Variants in TWSG1 observed in about 807,000 individuals in gnomAD.
The protein encoded by TWSG1 is twisted gastrulation BMP signaling modulator 1, also known as twisted gastrulation protein homolog 1.
A neutral mutation model predicts 23.0 loss-of-function variants in TWSG1; 15 were observed. The observed-to-expected ratio is 0.65, with a 90% confidence interval of 0.44 to 1.00. The LOEUF is 1.00. Ranked by LOEUF, TWSG1 falls within the 50% of genes least tolerant of loss-of-function variation. The pLI, the probability that TWSG1 is intolerant of heterozygous loss-of-function variation, is 0.00. For synonymous variants in TWSG1, 86 were observed against 92.8 expected (o/e 0.93, Z 0.42); for missense variants, 242 against 278.7 (o/e 0.87, Z 0.94).
At position 9,382,668 on chromosome 18, in the gene TWSG1, G is replaced by A. The variant is rs149279776; in HGVS notation, c.224-13612G>A. ...CTAAAAATAAAAAAATTAGCTGGGC[G>A]TGGTGGTGGGTGCCTGTAATCCCAG... On this transcript the variant is annotated intron_variant, in intron 3 of 4. Coordinates refer to ENST00000262120, the MANE Select transcript of TWSG1 (RefSeq NM_020648.6). 3.4e-3 allele frequency among the ~76,000 whole-genome samples: 515 copies of A among 151,952 alleles called. 2 individuals carry two copies. Among genetic ancestry groups the A allele is most frequent in the African/African-American group, 0.012 (485 of 41,470 alleles).
At chr18:9,375,332 AC>A (rs2040625072) in intron 3 of TWSG1, among the ~76,000 whole-genome samples, 1 of 152,176 alleles carries the variant, frequency 6.6e-6, no homozygotes, top group East Asian at 1.9e-4. Context: ...CTAGAGGGAA[AC>A]TTTCTAAACT....
At chr18:9,379,608 C>A (rs2040647224) in intron 3 of TWSG1, among the ~76,000 whole-genome samples, 1 of 152,050 alleles carries the variant, frequency 6.6e-6, no homozygotes, top group South Asian at 2.1e-4. Flanking sequence ...CACCAAACCC[C>A]TGAATCACAA....
chr18:9,358,247 G>A lies in TWSG1; in HGVS notation c.124-1725G>A, dbSNP rs1035686758. ...ATCTTTGGAAAGTAGGAATGGGGGG[G>A]CCACAGGATAATTTTTTACCTCTTA... On this transcript the variant is annotated intron_variant, in intron 2 of 4. Coordinates refer to ENST00000262120, the MANE Select transcript of TWSG1 (RefSeq NM_020648.6). Among the ~76,000 whole-genome samples, 6 of 152,044 alleles carry A rather than the reference G, an allele frequency of 3.9e-5. No individual in the cohort carries two copies. The South Asian group carries it at 1.2e-3, about 32-fold the overall frequency.
chr18:9,395,788 A>G (rs959723544), intron 3 of TWSG1, among the ~76,000 whole-genome samples: 3 of 152,216 alleles, frequency 2.0e-5, no homozygotes, highest in East Asian at 3.8e-4. Flanking sequence ...GCTGGTATCA[A>G]ACTCCTGGGC....
intron 4 of TWSG1, among the ~76,000 whole-genome samples, chr18:9,398,444 T>TTTTG (rs373080620): frequency 0.011 from 1,646 of 151,646 alleles, 17 homozygotes; most frequent in African/African-American, 0.022. Context: ...ATTTGCAGGT[T>TTTTG]TTTGTTTGTT....
chr18:9,351,700 A>G (rs184075509), intron 2 of TWSG1, among the ~76,000 whole-genome samples: 1 of 149,784 alleles, frequency 6.7e-6, no homozygotes, highest in East Asian at 2.0e-4. Flanking sequence ...GCTGGAGTAC[A>G]GTGGCTCCAT....
intron 3 of TWSG1, among the ~76,000 whole-genome samples, chr18:9,370,045 C>T (rs925406847): frequency 2.0e-5 from 3 of 152,106 alleles, no homozygotes; most frequent in Non-Finnish European, 4.4e-5. Flanking sequence ...TCCAGCCAGG[C>T]GCAGTGGTTC....
intron 3 of TWSG1, among the ~76,000 whole-genome samples, chr18:9,365,082 A>C (rs1260655596): frequency 6.6e-6 from 1 of 152,162 alleles, no homozygotes; most frequent in East Asian, 1.9e-4. Context: ...GCACGTTGGG[A>C]GGCCACAGAA....
At chr18:9,360,640 A>G (rs1230936833) in intron 3 of TWSG1, among the ~76,000 whole-genome samples, 1 of 152,174 alleles carries the variant, frequency 6.6e-6, no homozygotes, top group Non-Finnish European at 1.5e-5. Flanking sequence ...CTGAGAGATC[A>G]TTTATTGCAT....
At chr18:9,362,409 T>C (rs774365039) in intron 3 of TWSG1, among the ~76,000 whole-genome samples, 1 of 152,152 alleles carries the variant, frequency 6.6e-6, no homozygotes, top group Non-Finnish European at 1.5e-5. Flanking sequence ...GGTTTCGCCA[T>C]GTTGCCCAGG....
intron 3 of TWSG1, among the ~76,000 whole-genome samples, chr18:9,367,089 A>T (rs1408457509): frequency 6.6e-6 from 1 of 151,844 alleles, no homozygotes; most frequent in Admixed American, 6.6e-5. Context: ...ATGCTACCAC[A>T]CCTCGCTAAT....
intron 3 of TWSG1, among the ~76,000 whole-genome samples, chr18:9,382,261 C>T (rs1356756277): frequency 1.3e-5 from 2 of 152,022 alleles, no homozygotes; most frequent in South Asian, 2.1e-4. Flanking sequence ...TGGTGGCTCA[C>T]GCCTGTAATC....
At chr18:9,355,155 AC>A (rs1260605313) in intron 2 of TWSG1, among the ~76,000 whole-genome samples, 1 of 152,104 alleles carries the variant, frequency 6.6e-6, no homozygotes, top group Non-Finnish European at 1.5e-5. Flanking sequence ...ACGGGGTTTC[AC>A]CATGTTAGCC....
Position 9,401,746 on chromosome 18 carries a change from T to G in TWSG1, c.*2219T>G, listed in dbSNP as rs1364201834. 1 of 152,198 alleles carries G rather than the reference T, an allele frequency of 6.6e-6. No homozygotes were observed. Among genetic ancestry groups the G allele is most frequent in the Non-Finnish European group, 1.5e-5 (1 of 68,018 alleles). 9.4% of individuals were successfully genotyped at this position (152,198 alleles called of 1,614,324 possible). The stretch of plus-strand genomic sequence containing the variant: ...ATTTTTCCAAATTGAAAGTAAATAT[T>G]CCAGAAGTTGATAGCCTGGTTAAAA... On this transcript the variant is annotated 3_prime_UTR_variant, in exon 5 of 5. Transcript: ENST00000262120.
chr18:9,336,345 T>C (rs1263842462), intron 1 of TWSG1, among the ~76,000 whole-genome samples: 4 of 151,794 alleles, frequency 2.6e-5, no homozygotes, highest in Admixed American at 2.6e-4. Flanking sequence ...TGAGCCGAGA[T>C]TGCGCCACTG....
At chr18:9,372,531 T>TTA (rs576504884) in intron 3 of TWSG1, among the ~76,000 whole-genome samples, 1,910 of 147,854 alleles carry the variant, frequency 0.013, 17 homozygotes, top group Non-Finnish European at 0.021. Flanking sequence ...GTATATATAT[T>TTA]TATATATATT....
intron 4 of TWSG1, among the ~76,000 whole-genome samples, chr18:9,398,418 C>G (rs1480979235): frequency 6.6e-6 from 1 of 152,220 alleles, no homozygotes; most frequent in East Asian, 1.9e-4. Flanking sequence ...CAGTCTCTTT[C>G]TACTGCTCCT....
chr18:9,337,470 G>C, intron 2 of TWSG1, 118 bp downstream of exon 2: 1 of 1,046,554 alleles, frequency 9.6e-7, no homozygotes, highest in Non-Finnish European at 1.4e-6. Context: ...ATTGGGTCAG[G>C]GCCTGAGGTA....
chr18:9,334,816 G>C lies in TWSG1; in HGVS notation c.-142G>C, dbSNP rs2049978051. ...GGGCGCTGCGCTGAGGGGACGGCGG[G>C]AGGCGCGGCCTGGCCTCGCACTCAA... On this transcript the variant is annotated 5_prime_UTR_variant, in exon 1 of 5. Transcript: ENST00000262120. This position sits in a 1 kb window ranked among gnomAD's most constrained non-coding sequence, Gnocchi z 4.7. The C allele has an allele frequency of 6.6e-6, 1 of 151,886 alleles. No individual in the cohort carries two copies. Among genetic ancestry groups the C allele is most frequent in the Admixed American group, 6.6e-5 (1 of 15,252 alleles). 9.4% of individuals were successfully genotyped at this position (151,886 alleles called of 1,614,324 possible).
Sources: allele counts gnomAD v4.1 joint callset (sites outside exome capture counted in the v4.1 genomes callset), GRCh38; gene constraint gnomAD v4.1.1; non-coding constraint Gnocchi (gnomAD v3.1); transcripts MANE v1.5; gene names NCBI Gene and HGNC (gene_info 2026-07-23, HGNC 2026-07-21).